SLC9A8: variants seen among roughly 807,000 people sequenced by gnomAD.
SLC9A8 encodes sodium/hydrogen exchanger 8.
In SLC9A8, 48 loss-of-function variants were observed where a neutral mutation model predicts 66.6. The observed-to-expected ratio is 0.72, with a 90% CI of 0.57 to 0.92. SLC9A8 has a LOEUF of 0.92. Among genes scored for constraint, SLC9A8 ranks in the 40% least tolerant of loss-of-function variants. The pLI is 0.00. For synonymous variants in SLC9A8, 274 were observed against 282.6 expected (o/e 0.97, Z 0.31); for missense variants, 599 against 747.3 (o/e 0.80, Z 2.31).
In SLC9A8 at chr20:49,888,127, T is replaced by C; in HGVS notation, c.*191T>C. 1 of 527,468 alleles carries C rather than the reference T, an allele frequency of 1.9e-6. No individual in the cohort carries two copies. The highest frequency in any genetic ancestry group is 3.4e-6 in the Non-Finnish European group (1 of 292,178). 32.7% of individuals were successfully genotyped at this position (527,468 alleles called of 1,614,324 possible). On this transcript the variant is annotated 3_prime_UTR_variant, in exon 16 of 16. Coordinates refer to ENST00000361573, the MANE Select transcript of SLC9A8 (RefSeq NM_015266.3). ...AGGCCTCTGGAGCCAGGCGACTTCT[T>C]GGGAAACTGTCATCTCCCGACTCCT...
intron 3 of SLC9A8, among the ~76,000 whole-genome samples, chr20:49,837,591 T>A (rs11086297): frequency 0.2 from 30,414 of 152,024 alleles, 3,053 homozygotes; most frequent in Middle Eastern, 0.22. Flanking sequence ...ATATTTTGAG[T>A]TGGAGTCTCA....
chr20:49,821,356 T>C (rs1389937373), intron 2 of SLC9A8, among the ~76,000 whole-genome samples: 1 of 152,262 alleles, frequency 6.6e-6, no homozygotes, highest in Non-Finnish European at 1.5e-5. Flanking sequence ...TGTTCATTAG[T>C]CACATGTTAT....
intron 3 of SLC9A8, among the ~76,000 whole-genome samples, chr20:49,833,195 T>C (rs1461066220): frequency 6.6e-6 from 1 of 152,220 alleles, no homozygotes; most frequent in African/African-American, 2.4e-5. Context: ...TGAGCCGCCA[T>C]GCCTAGCGTG....
chr20:49,845,193 T>C, intron 5 of SLC9A8, 74 bp downstream of exon 5: 1 of 1,102,638 alleles, frequency 9.1e-7, no homozygotes, highest in Non-Finnish European at 1.4e-6. Flanking sequence ...CCTTAAAAGC[T>C]TGGGTATAAT....
chr20:49,813,701 G>A (rs1203930615), intron 1 of SLC9A8, among the ~76,000 whole-genome samples: 1 of 152,202 alleles, frequency 6.6e-6, no homozygotes, highest in African/African-American at 2.4e-5. Context: ...TAGAGTTAAG[G>A]TTGGGGAGTC....
At chr20:49,831,024 G>T in intron 3 of SLC9A8, 4 of 737,878 alleles carry the variant, frequency 5.4e-6, no homozygotes, top group Non-Finnish European at 1.0e-5. Flanking sequence ...GTGTACAAAA[G>T]AGCCAAGGCA....
At chr20:49,855,081 G>A (rs531367422) in intron 7 of SLC9A8, among the ~76,000 whole-genome samples, 2 of 152,350 alleles carry the variant, frequency 1.3e-5, no homozygotes, top group African/African-American at 4.8e-5. Flanking sequence ...CAGAGCAGAG[G>A]TCAGATGCAG....
chr20:49,836,708 C>A (rs1257643807), intron 3 of SLC9A8, among the ~76,000 whole-genome samples: 1 of 152,136 alleles, frequency 6.6e-6, no homozygotes, highest in Non-Finnish European at 1.5e-5. Context: ...TTTTCAGTTT[C>A]TTTGAGTAGA....
chr20:49,852,029 C>T (rs751738014), intron 7 of SLC9A8, among the ~76,000 whole-genome samples: 23 of 152,126 alleles, frequency 1.5e-4, no homozygotes, highest in East Asian at 5.8e-4. Context: ...GACTTAGAGC[C>T]GGGTAGTGTT....
intron 4 of SLC9A8, among the ~76,000 whole-genome samples, chr20:49,842,059 A>ATTTTTTT (rs201138846): frequency 7.0e-6 from 1 of 142,376 alleles, no homozygotes; most frequent in Non-Finnish European, 1.5e-5. Context: ...ATTTTATTTT[A>ATTTTTTT]TTTTTTTTTT....
chr20:49,883,979 GC>G lies in SLC9A8; in HGVS notation c.1408del (p.Leu470SerfsTer66). Reference protein sequence around the residue: ...TILLLGGSTMPLIRLMDIEDA... With the variant: ...TILLLGGSTMXLIRLMDIEDA... ...TCCTGCTGCTGGGCGGCAGCACCAT[GC>G]CCCTCATTCGCCTCATGGACATCGA... On this transcript the variant is annotated frameshift_variant, in exon 14 of 16. Coordinates refer to ENST00000361573, the MANE Select transcript of SLC9A8 (RefSeq NM_015266.3). LOFTEE classifies it high-confidence loss of function. 1 of 1,613,522 alleles carries G rather than the reference GC, an allele frequency of 6.2e-7. No individual in the cohort carries two copies. The highest frequency in any genetic ancestry group is 2.2e-5 in the East Asian group (1 of 44,860).
intron 2 of SLC9A8, among the ~76,000 whole-genome samples, chr20:49,817,808 G>A (rs2086609463): frequency 6.6e-6 from 1 of 152,078 alleles, no homozygotes; most frequent in South Asian, 2.1e-4. Flanking sequence ...AAATGTAGTT[G>A]AATTCTATTT....
At position 49,890,979 on chromosome 20, in the gene SLC9A8, G is replaced by C. The variant is rs1048882178; in HGVS notation, c.*3043G>C. ...TAAAACCTTTGGCAAAGGTGCCATC[G>C]GCAGGGCTTGGCCTCATGAAGTCTC... is the stretch of plus-strand genomic sequence containing the variant. On this transcript the variant is annotated 3_prime_UTR_variant, in exon 16 of 16. Coordinates refer to ENST00000361573, the MANE Select transcript of SLC9A8 (RefSeq NM_015266.3). 6.6e-6 allele frequency: 1 copy of C among 152,304 alleles called. No homozygotes were observed. The highest frequency in any genetic ancestry group is 2.4e-5 in the African/African-American group (1 of 41,474). 9.4% of individuals were successfully genotyped at this position (152,304 alleles called of 1,614,324 possible). A position where few individuals can be genotyped will look rare whatever the true frequency, so the allele number is the denominator to read the frequency against.
rs2086507326 is a variant in SLC9A8 at position 49,815,250 on chromosome 20, G to C, written c.208+61G>C. The C allele has an allele frequency of 2.9e-6, 4 of 1,390,062 alleles. No homozygotes were observed. In the South Asian group the frequency reaches 6.1e-5, roughly 21 times the overall value. 86.1% of individuals were successfully genotyped at this position (1,390,062 alleles called of 1,614,324 possible). On this transcript the variant is annotated intron_variant, in intron 2 of 15. Coordinates refer to ENST00000361573, the MANE Select transcript of SLC9A8 (RefSeq NM_015266.3). ...TCCCGTGTCTGTGTGCTCGGTCTGT[G>C]TGTTTAACCCTGTCACTCCTCTTGA...
rs772545464 is a variant in SLC9A8, at chr20:49,823,106, A to G, written c.254A>G (p.His85Arg). Residue 85 changes from histidine to arginine, a missense_variant, in exon 3 of 16, where the codon CAT becomes CGT. This residue lies in a region of SLC9A8 where 132 missense variants were observed against 120.9 expected (regional missense o/e 1.09). Transcript: ENST00000361573. ...LVHLLIRYRL[H>R]FLPESVAVVS... ...CATTTACTGATCCGATACAGATTAC[A>G]TTTCTTGCCAGAGAGTGTTGCTGTT... is the stretch of plus-strand genomic sequence containing the variant. 1.2e-6 allele frequency: 2 copies of G among 1,612,588 alleles called. No individual in the cohort carries two copies. Among genetic ancestry groups the G allele is most frequent in the African/African-American group, 1.3e-5 (1 of 74,922 alleles).
Position 49,888,154 on chromosome 20 carries a change from C to T in SLC9A8, c.*218C>T. On this transcript the variant is annotated 3_prime_UTR_variant, in exon 16 of 16. Coordinates refer to ENST00000361573, the MANE Select transcript of SLC9A8 (RefSeq NM_015266.3). Reference sequence around the variant, plus strand: ...GGAAACTGTCATCTCCCGACTCCTCCCTGAGCCAGCCTCCGCTCAGTGTGG... The same window carrying T: ...GGAAACTGTCATCTCCCGACTCCTCTCTGAGCCAGCCTCCGCTCAGTGTGG... 4.2e-6 allele frequency: 2 copies of T among 480,978 alleles called. No individual in the cohort carries two copies. The highest frequency in any genetic ancestry group is 7.6e-6 in the Non-Finnish European group (2 of 261,664). The allele number at this position is 480,978 out of a possible 1,614,324, so 29.8% of individuals were successfully genotyped here.
chr20:49,821,317 C>T (rs982746299), intron 2 of SLC9A8, among the ~76,000 whole-genome samples: 3 of 152,072 alleles, frequency 2.0e-5, no homozygotes, highest in Non-Finnish European at 4.4e-5. Context: ...GCTTATTTGC[C>T]GTTTTTTGTT....
chr20:49,820,973 T>C (rs929954138), intron 2 of SLC9A8, among the ~76,000 whole-genome samples: 1 of 152,234 alleles, frequency 6.6e-6, no homozygotes, highest in Non-Finnish European at 1.5e-5. Flanking sequence ...GTTTAAAAGC[T>C]GTGGTGTTTG....
At chr20:49,874,667 C>T (rs758723159) in intron 10 of SLC9A8, 38 bp from the exon 11 acceptor site, 3 of 1,276,032 alleles carry the variant, frequency 2.4e-6, no homozygotes, top group South Asian at 1.2e-5. Flanking sequence ...TTGGGGATCA[C>T]ACGGCAGTGC....
Sources: allele counts gnomAD v4.1 joint callset (sites outside exome capture counted in the v4.1 genomes callset), GRCh38; gene constraint gnomAD v4.1.1; regional missense constraint gnomAD v4.1.1; transcripts MANE v1.5; gene names NCBI Gene and HGNC (gene_info 2026-07-23, HGNC 2026-07-21).